Variants in TAF13 observed in about 807,000 individuals in gnomAD.
TAF13 encodes the protein transcription initiation factor TFIID subunit 13.
TAF13 carries 9 observed loss-of-function variants against 18.7 expected under a neutral mutation model. The ratio of observed to expected loss-of-function variants is 0.48; its 90% confidence interval spans 0.29 to 0.84. TAF13 has a LOEUF of 0.84. Ranked by LOEUF, TAF13 falls within the 40% of genes least tolerant of loss-of-function variation. The probability of loss-of-function intolerance (pLI) is 0.08; values close to 1 mark genes in which losing one functional copy is unlikely to be tolerated. For synonymous variants in TAF13, 49 were observed against 44.1 expected, an observed-to-expected ratio of 1.11 and a Z score of -0.44; for missense variants, 105 against 146.5, an observed-to-expected ratio of 0.72 and a Z score of 1.46.
chr1:109,066,361 T>C (rs1325094396), intron 2 of TAF13, 129 bp from the exon 3 acceptor site: 9 of 707,184 alleles, frequency 1.3e-5, no homozygotes, highest in Non-Finnish European at 1.1e-5. Context: ...ACATCGTATT[T>C]GTTATCTCCA....
In TAF13 at chr1:109,064,475, T is replaced by C. The variant is rs537495241; in HGVS notation, c.*48A>G. On this transcript the variant is annotated 3_prime_UTR_variant, in exon 4 of 4. Coordinates refer to ENST00000338366, the MANE Select transcript of TAF13 (RefSeq NM_005645.4). ...TCTTACTTTAGAAAATATACAATTATTATATATGGTTTCCCCAGATGGTAA... is the reference window on the plus strand; with the variant it reads ...TCTTACTTTAGAAAATATACAATTACTATATATGGTTTCCCCAGATGGTAA... 2.6e-5 allele frequency: 34 copies of C among 1,330,622 alleles called. 2 individuals carry two copies. The South Asian group carries it at 6.9e-4, about 27-fold the overall frequency. The allele number at this position is 1,330,622 out of a possible 1,614,324, so 82.4% of individuals were successfully genotyped here.
rs528909790 is a variant in TAF13 at position 109,065,033 on chromosome 1, T to C, written c.205-340A>G. The stretch of plus-strand genomic sequence containing the variant: ...TTTGTGTACCCACCCATTTCATTTA[T>C]GCTTTGTGTCCTCCTCTATCTTAAT... On this transcript the variant is annotated intron_variant, in intron 3 of 3. Transcript: ENST00000338366. Among the ~76,000 whole-genome samples, 5 of 152,304 alleles carry C rather than the reference T, an allele frequency of 3.3e-5. No individual in the cohort carries two copies. In the South Asian group the frequency reaches 1.0e-3, roughly 32 times the overall value.
rs150925081 is a variant in TAF13 at position 109,066,429 on chromosome 1, T to A, written c.107-197A>T. 2.1e-4 allele frequency among the ~76,000 whole-genome samples: 32 copies of A among 152,202 alleles called. 1 individual carries two copies. Among genetic ancestry groups the A allele is most frequent in the East Asian group, 1.9e-3 (10 of 5,186 alleles). The stretch of plus-strand genomic sequence containing the variant: ...AGTCTGATGACCAACTGTTCCCACG[T>A]AGCCTCCAGCAAAACTCTTCCTTCC... On this transcript the variant is annotated intron_variant, in intron 2 of 3. Coordinates refer to ENST00000338366, the MANE Select transcript of TAF13 (RefSeq NM_005645.4).
chr1:109,070,714 AAGG>A (rs1664035382), intron 2 of TAF13, among the ~76,000 whole-genome samples: 2 of 152,082 alleles, frequency 1.3e-5, no homozygotes, highest in Non-Finnish European at 2.9e-5. Flanking sequence ...TTTTTTTTTA[AAGG>A]TTCAGGAGAA....
intron 1 of TAF13, 73 bp downstream of exon 1, chr1:109,075,848 C>A (rs1664168524): frequency 3.1e-6 from 5 of 1,602,630 alleles, no homozygotes; most frequent in Non-Finnish European, 4.3e-6. Flanking sequence ...AGACCCGATC[C>A]TGAACTCTGC....
In TAF13 at chr1:109,075,857, G is replaced by A. The variant is rs1664168586; in HGVS notation, c.27+64C>T. On this transcript the variant is annotated intron_variant, in intron 1 of 3. Transcript: ENST00000338366. Reference sequence around the variant, plus strand: ...GCAAGCAGACCCGATCCTGAACTCTGCCTCCGCTACTGAGCCCGAAGGAGT... The same window carrying A: ...GCAAGCAGACCCGATCCTGAACTCTACCTCCGCTACTGAGCCCGAAGGAGT... 1.9e-6 allele frequency: 3 copies of A among 1,606,964 alleles called. No individual in the cohort carries two copies. In the Admixed American group the frequency reaches 5.0e-5, roughly 27 times the overall value.
In TAF13 at chr1:109,075,036, T is replaced by A. The variant is rs764737523; in HGVS notation, c.57A>T (p.Gly19=). Residue 19 remains glycine (G), a synonymous_variant, in exon 2 of 4, where the codon GGA becomes GGT. Coordinates refer to ENST00000338366, the MANE Select transcript of TAF13 (RefSeq NM_005645.4). The part of the protein sequence containing the change: ...TFEEENEEIG[G]GAEGGQGKRK... Reference sequence around the variant, plus strand: ...TTTTACCCTGTCCACCTTCTGCACCTCCTCCAATTTCTTCATTTTCTTCCT... The same window carrying A: ...TTTTACCCTGTCCACCTTCTGCACCACCTCCAATTTCTTCATTTTCTTCCT... The A allele has an allele frequency of 6.2e-7, 1 of 1,608,598 alleles. No homozygotes were observed. The highest frequency in any genetic ancestry group is 1.1e-5 in the South Asian group (1 of 89,394).
At chr1:109,066,471 C>T (rs1455151820) in intron 2 of TAF13, among the ~76,000 whole-genome samples, 1 of 152,126 alleles carries the variant, frequency 6.6e-6, no homozygotes, top group Non-Finnish European at 1.5e-5. Flanking sequence ...CTACTGAACC[C>T]TAAGGTAAAC....
intron 3 of TAF13, among the ~76,000 whole-genome samples, chr1:109,065,206 T>C (rs1315827353): frequency 6.6e-6 from 1 of 152,172 alleles, no homozygotes; most frequent in Admixed American, 6.6e-5. Flanking sequence ...TAATACGGCA[T>C]TGAGCCAGAC....
At chr1:109,071,995 T>C (rs1203060641) in intron 2 of TAF13, among the ~76,000 whole-genome samples, 37 of 2,390 alleles carry the variant, frequency 0.015, no homozygotes, top group South Asian at 0.08. Context: ...TATATATATA[T>C]ATATATATAT....
chr1:109,070,459 C>T (rs897482005), intron 2 of TAF13, among the ~76,000 whole-genome samples: 5 of 152,044 alleles, frequency 3.3e-5, no homozygotes, highest in African/African-American at 7.2e-5. Context: ...CCTCATGATC[C>T]GCCCATCTCA....
intron 3 of TAF13, among the ~76,000 whole-genome samples, chr1:109,065,417 A>C (rs1428264854): frequency 6.6e-6 from 1 of 152,092 alleles, no homozygotes; most frequent in Non-Finnish European, 1.5e-5. Context: ...TGAGTCCGGA[A>C]GGTCTCAGCT....
intron 2 of TAF13, among the ~76,000 whole-genome samples, chr1:109,071,192 G>A (rs1664044171): frequency 6.6e-6 from 1 of 152,108 alleles, no homozygotes; most frequent in Non-Finnish European, 1.5e-5. Context: ...TGTAATTCCA[G>A]CACTTTGGGA....
At chr1:109,065,451 T>C (rs1449255148) in intron 3 of TAF13, among the ~76,000 whole-genome samples, 2 of 151,552 alleles carry the variant, frequency 1.3e-5, no homozygotes, top group Non-Finnish European at 2.9e-5. Context: ...ATCATGCCAC[T>C]GCACTCCAGC....
intron 2 of TAF13, among the ~76,000 whole-genome samples, chr1:109,073,822 G>C (rs1664124374): frequency 2.0e-5 from 3 of 152,126 alleles, no homozygotes; most frequent in African/African-American, 7.2e-5. Flanking sequence ...CTGCCTGGCT[G>C]CCCATCCCCT....
chr1:109,069,240 TC>T (rs1310741335), intron 2 of TAF13, among the ~76,000 whole-genome samples: 2 of 152,062 alleles, frequency 1.3e-5, no homozygotes, highest in Non-Finnish European at 2.9e-5. Flanking sequence ...TATACAGTTG[TC>T]CCTTAGTATC....
intron 2 of TAF13, among the ~76,000 whole-genome samples, chr1:109,071,762 G>C (rs1664056499): frequency 6.6e-6 from 1 of 151,466 alleles, no homozygotes; most frequent in Admixed American, 6.6e-5. Flanking sequence ...GACCATCCTG[G>C]CCAACATGAT....
At chr1:109,075,741 C>G (rs1430007952) in intron 1 of TAF13, among the ~76,000 whole-genome samples, 180 bp downstream of exon 1, 2 of 152,174 alleles carry the variant, frequency 1.3e-5, no homozygotes, top group African/African-American at 4.8e-5. Flanking sequence ...GGTCACAAAA[C>G]CTACTCTTCC....
rs1212597536 is a variant in TAF13 at position 109,075,996 on chromosome 1, G to A, written c.-49C>T. 5.0e-6 allele frequency: 8 copies of A among 1,613,806 alleles called. No individual in the cohort carries two copies. Among genetic ancestry groups the A allele is most frequent in the African/African-American group, 2.7e-5 (2 of 74,948 alleles). The stretch of plus-strand genomic sequence containing the variant: ...CGTCCTGCCGGCTGGCTCCCAGCTG[G>A]TTACACTACTTCCGCCGCCTCACTT... On this transcript the variant is annotated 5_prime_UTR_variant, in exon 1 of 4. Coordinates refer to ENST00000338366, the MANE Select transcript of TAF13 (RefSeq NM_005645.4).
Sources: gnomAD v4.1 joint callset for allele counts (sites outside exome capture counted in the v4.1 genomes callset) on GRCh38, gnomAD v4.1.1 for gene constraint, MANE v1.5 for transcripts, NCBI Gene and HGNC (gene_info 2026-07-23, HGNC 2026-07-21) for gene names.